Variants in PAX3 observed in about 807,000 individuals in gnomAD.
The protein encoded by PAX3 is paired box 3, also known as paired box protein Pax-3.
PAX3 carries 14 observed loss-of-function variants against 51.6 expected under a neutral mutation model. That is an observed-to-expected ratio of 0.27 (90% CI 0.18 to 0.42). The LOEUF (loss-of-function observed/expected upper bound fraction) is 0.42, where lower values mean the gene tolerates loss of function less well. PAX3 is among the 10% of genes least tolerant of loss of function. PAX3 has a pLI of 1.00. For synonymous variants in PAX3, 280 were observed against 253.4 expected (o/e 1.11, Z -1.00); for missense variants, 540 against 642.8 (o/e 0.84, Z 1.73).
intron 7 of PAX3, among the ~76,000 whole-genome samples, chr2:222,210,516 AC>A (rs1237265323): frequency 6.6e-6 from 1 of 152,174 alleles, no homozygotes; most frequent in Non-Finnish European, 1.5e-5. Context: ...AAACTAGAAT[AC>A]AAAAAGAAAA....
chr2:222,231,059 T>C (rs1392161072), intron 5 of PAX3, among the ~76,000 whole-genome samples: 3 of 152,202 alleles, frequency 2.0e-5, no homozygotes, highest in Admixed American at 2.0e-4. Context: ...GATGATCATA[T>C]GGAAGTTTGA....
intron 4 of PAX3, among the ~76,000 whole-genome samples, chr2:222,234,276 A>C (rs1692716907): frequency 6.6e-6 from 1 of 152,134 alleles, no homozygotes; most frequent in Admixed American, 6.5e-5. Flanking sequence ...TCAATTATCT[A>C]ATTTAATATA....
intron 4 of PAX3, among the ~76,000 whole-genome samples, chr2:222,236,990 G>A (rs566308241): frequency 6.6e-6 from 1 of 152,260 alleles, no homozygotes; most frequent in African/African-American, 2.4e-5. Flanking sequence ...ATTGCTATCA[G>A]ATTTAGAAAT....
rs541793114 is a variant in PAX3 at position 222,246,579 on chromosome 2, G to A, written c.587-14296C>T. On this transcript the variant is annotated intron_variant, in intron 4 of 8. Transcript: ENST00000392070. ...AATTAGAGAATTATATTATACAGAT[G>A]GATGGGTGGATGGATGGATGGATGG... Among the ~76,000 whole-genome samples, 8 of 152,088 alleles carry A rather than the reference G, an allele frequency of 5.3e-5. No homozygotes were observed. In the South Asian group the frequency reaches 1.7e-3, roughly 32 times the overall value.
At chr2:222,277,562 T>C (rs1389030002) in intron 4 of PAX3, among the ~76,000 whole-genome samples, 3 of 152,148 alleles carry the variant, frequency 2.0e-5, no homozygotes, top group Non-Finnish European at 2.9e-5. Context: ...ATCAAGCTTG[T>C]TCAACCCGTG....
At chr2:222,260,366 CA>C (rs1051368382) in intron 4 of PAX3, among the ~76,000 whole-genome samples, 26 of 151,950 alleles carry the variant, frequency 1.7e-4, no homozygotes, top group Non-Finnish European at 3.5e-4. Context: ...AGACCTTTCT[CA>C]AAAAGAAAAC....
rs112987635 is a variant in PAX3 at position 222,256,814 on chromosome 2, G to A, written c.587-24531C>T. Among the ~76,000 whole-genome samples, 15 of 152,230 alleles carry A rather than the reference G, an allele frequency of 9.9e-5. 1 individual carries two copies. Among genetic ancestry groups the A allele is most frequent in the African/African-American group, 3.6e-4 (15 of 41,528 alleles). On this transcript the variant is annotated intron_variant, in intron 4 of 8. Coordinates refer to ENST00000392070, the MANE Select transcript of PAX3 (RefSeq NM_181458.4). Reference sequence around the variant, plus strand: ...AGCAGTCATTGCCTTTGAAGAACTCGCTTTCCATTTTGAAATTCGACAGAC... The same window carrying A: ...AGCAGTCATTGCCTTTGAAGAACTCACTTTCCATTTTGAAATTCGACAGAC...
At chr2:222,296,896 T>G (rs1268730152) in intron 2 of PAX3, 82 bp downstream of exon 2, 2 of 1,148,326 alleles carry the variant, frequency 1.7e-6, no homozygotes, top group Non-Finnish European at 2.5e-6. Flanking sequence ...GCCCCAGATG[T>G]CAGCCGTTAC....
chr2:222,228,630 T>C (rs1378101947), intron 5 of PAX3, among the ~76,000 whole-genome samples: 2 of 152,156 alleles, frequency 1.3e-5, no homozygotes. Context: ...TCAGAGCTGA[T>C]ACTCGGCCTA....
chr2:222,211,589 A>C (rs899968258), intron 7 of PAX3, among the ~76,000 whole-genome samples: 3 of 152,004 alleles, frequency 2.0e-5, no homozygotes, highest in African/African-American at 7.3e-5. Context: ...GACATTAATT[A>C]GAAAAAAAAA....
At chr2:222,270,800 T>G (rs561207185) in intron 4 of PAX3, among the ~76,000 whole-genome samples, 17 of 152,306 alleles carry the variant, frequency 1.1e-4, no homozygotes, top group Admixed American at 7.2e-4. Context: ...CCCATACTAG[T>G]CTTTCACTAG....
intron 4 of PAX3, among the ~76,000 whole-genome samples, chr2:222,236,631 T>G (rs1692807342): frequency 6.6e-6 from 1 of 152,218 alleles, no homozygotes; most frequent in African/African-American, 2.4e-5. Flanking sequence ...ATAGAATATC[T>G]AATGCTATGA....
chr2:222,253,993 A>G (rs745539812), intron 4 of PAX3, among the ~76,000 whole-genome samples: 5 of 152,118 alleles, frequency 3.3e-5, no homozygotes, highest in Non-Finnish European at 7.3e-5. Context: ...ATTTACATTC[A>G]TTTATTCACC....
At chr2:222,216,757 T>G (rs1691977117) in intron 7 of PAX3, among the ~76,000 whole-genome samples, 2 of 152,016 alleles carry the variant, frequency 1.3e-5, no homozygotes, top group Admixed American at 1.3e-4. Context: ...TTGGCTATCC[T>G]TATAGTGTCT....
At chr2:222,265,311 T>C (rs1694003041) in intron 4 of PAX3, among the ~76,000 whole-genome samples, 1 of 152,194 alleles carries the variant, frequency 6.6e-6, no homozygotes, top group Non-Finnish European at 1.5e-5. Flanking sequence ...TATTATTCCC[T>C]AGGTTCTACG....
At chr2:222,236,910 T>C (rs1045339993) in intron 4 of PAX3, among the ~76,000 whole-genome samples, 2 of 152,224 alleles carry the variant, frequency 1.3e-5, no homozygotes, top group Non-Finnish European at 2.9e-5. Context: ...CAATACATCA[T>C]GCACAGCATT....
chr2:222,211,984 G>A (rs749101964), intron 7 of PAX3, among the ~76,000 whole-genome samples: 3 of 152,124 alleles, frequency 2.0e-5, no homozygotes, highest in African/African-American at 4.8e-5. Flanking sequence ...TGTTCAAATA[G>A]CATCATTCCT....
chr2:222,209,360 TAAAG>T (rs1019160287), intron 7 of PAX3, among the ~76,000 whole-genome samples: 7 of 152,070 alleles, frequency 4.6e-5, no homozygotes, highest in African/African-American at 1.7e-4. Flanking sequence ...ATCCTTAAGA[TAAAG>T]AAAAGAACCA....
At chr2:222,216,972 A>C (rs887796954) in intron 7 of PAX3, among the ~76,000 whole-genome samples, 3 of 152,230 alleles carry the variant, frequency 2.0e-5, no homozygotes, top group African/African-American at 4.8e-5. Flanking sequence ...GTGACTCAAA[A>C]AACTATAACC....
Sources: allele counts gnomAD v4.1 joint callset (sites outside exome capture counted in the v4.1 genomes callset), GRCh38; gene constraint gnomAD v4.1.1; transcripts MANE v1.5; gene names NCBI Gene and HGNC (gene_info 2026-07-23, HGNC 2026-07-21).